LLGL1: variants seen among roughly 807,000 people sequenced by gnomAD.
LLGL1 encodes lethal(2) giant larvae protein homolog 1.
Under a neutral mutation model 110.6 loss-of-function variants are expected in LLGL1, and 58 were observed. The observed-to-expected ratio is 0.52, with a 90% confidence interval of 0.42 to 0.65. LLGL1 has a LOEUF of 0.65. Ranked by LOEUF, LLGL1 falls within the 30% of genes least tolerant of loss-of-function variation. LLGL1 has a pLI of 0.00. For missense variants in LLGL1, 1,229 were observed against 1,462.1 expected, an observed-to-expected ratio of 0.84 and a Z score of 2.60; for synonymous variants, 674 against 607.2, an observed-to-expected ratio of 1.11 and a Z score of -1.62.
In LLGL1 at chr17:18,244,400, C is replaced by G. The variant is rs1197346639; in HGVS notation, c.*494C>G. 1 of 152,070 alleles carries G rather than the reference C, an allele frequency of 6.6e-6. No homozygotes were observed. The highest frequency in any genetic ancestry group is 2.4e-5 in the African/African-American group (1 of 41,378). The allele number at this position is 152,070 out of a possible 1,614,324, so 9.4% of individuals were successfully genotyped here. On this transcript the variant is annotated 3_prime_UTR_variant, in exon 23 of 23. Transcript: ENST00000316843. ...GGGACTACAGGCGCCCACCACCACG[C>G]CCAGCTAATTTTTTCTGTATTTTTA...
At position 18,234,213 on chromosome 17, in the gene LLGL1, C is replaced by G. The variant is rs200116218; in HGVS notation, c.714+38C>G. 1.9e-6 allele frequency: 3 copies of G among 1,599,034 alleles called. No homozygotes were observed. In the African/African-American group the frequency reaches 4.0e-5, roughly 21 times the overall value. ...GGCCTGTGTCCCCTCAGCCTGGGCC[C>G]CTTGTGCATGCCCACCATGGCTCAT... On this transcript the variant is annotated intron_variant, in intron 6 of 22. Transcript: ENST00000316843.
In LLGL1 at chr17:18,233,876, A is replaced by T. The variant is rs2047625268; in HGVS notation, c.491A>T (p.Asp164Val). 1 of 1,613,556 alleles carries T rather than the reference A, an allele frequency of 6.2e-7. No homozygotes were observed. The highest frequency in any genetic ancestry group is 8.5e-7 in the Non-Finnish European group (1 of 1,180,002). The change falls in exon 5 of 23, where the codon GAT becomes GTT. Residue 164 changes from aspartate (D) to valine (V), a missense_variant. Asp to Val is a radical substitution (Grantham distance 152). Transcript: ENST00000316843. ...GTEGSSVFFL[D>V]VTTLTLLEGQ... ...GAGGGCAGCAGTGTCTTCTTCCTGGATGTTACCACCCTGACCCTGCTCGAG... is the reference window on the plus strand; with the variant it reads ...GAGGGCAGCAGTGTCTTCTTCCTGGTTGTTACCACCCTGACCCTGCTCGAG...
Position 18,242,620 on chromosome 17 carries a change from T to C in LLGL1, c.3108T>C (p.Asp1036=), listed in dbSNP as rs1404260561. The C allele has an allele frequency of 1.2e-6, 2 of 1,610,804 alleles. No individual in the cohort carries two copies. Among genetic ancestry groups the C allele is most frequent in the South Asian group, 2.2e-5 (2 of 90,574 alleles). The change falls in exon 21 of 23, where the codon GAT becomes GAC. Residue 1036 remains aspartate, a synonymous_variant. Transcript: ENST00000316843. ...ACGTCACAGTGGAAGATGTGAAGGA[T>C]TTCCTGGGGTGAGGCTGGTGGGCAG... The part of the protein sequence containing the change: ...TGDVTVEDVK[D]FLGSSEESEK...
chr17:18,226,089 T>G (rs1027147002), intron 1 of LLGL1, among the ~76,000 whole-genome samples: 1 of 152,064 alleles, frequency 6.6e-6, no homozygotes, highest in Admixed American at 6.5e-5. Flanking sequence ...TCCCTCTTTC[T>G]CCGCCGCTGA....
Position 18,235,123 on chromosome 17 carries a change from G to A in LLGL1, c.1095G>A (p.Leu365=). 1 of 1,613,886 alleles carries A rather than the reference G, an allele frequency of 6.2e-7. No individual in the cohort carries two copies. The highest frequency in any genetic ancestry group is 8.5e-7 in the Non-Finnish European group (1 of 1,180,028). ...ACCCCCAGGCCCTGGCTGTGCTGCT[G>A]GAAGAGGAGCTGGTGGTGCTGGACC... ...FDDPQALAVL[L]EEELVVLDLQ... is the part of the protein sequence containing the mutation. Residue 365 remains leucine, a synonymous_variant, in exon 10 of 23, where the codon CTG becomes CTA. Transcript: ENST00000316843.
chr17:18,235,221 C>T lies in LLGL1; in HGVS notation c.1193C>T (p.Ser398Leu), dbSNP rs370740868. The change falls in exon 10 of 23, where the codon TCG becomes TTG. Residue 398 changes from serine to leucine, a missense_variant. Ser to Leu is a moderately radical substitution (Grantham distance 145). Coordinates refer to ENST00000316843, the MANE Select transcript of LLGL1 (RefSeq NM_004140.4). ...APLHSSAITCSAHVASVPAKL... is the reference protein window; with the variant it reads ...APLHSSAITCLAHVASVPAKL... ...CTGCACTCCTCTGCAATCACTTGCT[C>T]GGCCCACGTGGCCAGTGTCCCCGCC... 20 of 1,610,856 alleles carry T rather than the reference C, an allele frequency of 1.2e-5. No homozygotes were observed. The highest frequency in any genetic ancestry group is 8.3e-5 in the Admixed American group (5 of 59,998).
chr17:18,238,504 G>C lies in LLGL1; in HGVS notation c.2101G>C (p.Val701Leu). The C allele has an allele frequency of 6.2e-7, 1 of 1,612,522 alleles. No homozygotes were observed. The highest frequency in any genetic ancestry group is 8.5e-7 in the Non-Finnish European group (1 of 1,180,000). ...QLAEQACPHD[V>L]EMTPVQRRIE... Reference sequence around the variant, plus strand: ...GGCTGAGCAGGCCTGCCCCCACGACGTGGAGATGACGCCCGTGCAGCGCCG... The same window carrying C: ...GGCTGAGCAGGCCTGCCCCCACGACCTGGAGATGACGCCCGTGCAGCGCCG... The change falls in exon 16 of 23, where the codon GTG becomes CTG. Residue 701 changes from valine to leucine, a missense_variant. Physicochemically the swap from Val to Leu is conservative, Grantham distance 32. Coordinates refer to ENST00000316843, the MANE Select transcript of LLGL1 (RefSeq NM_004140.4).
chr17:18,241,867 ATTC>A lies in LLGL1; in HGVS notation c.2768-13_2768-11del. 6 of 1,609,270 alleles carry A rather than the reference ATTC, an allele frequency of 3.7e-6. No homozygotes were observed. Among genetic ancestry groups the A allele is most frequent in the Non-Finnish European group, 5.1e-6 (6 of 1,175,588 alleles). ...GTGGTATCTTCTAACTGCACTCCTC[ATTC>A]TTCTGCCCACCCAGGCTTTTACCTG... On this transcript the variant is annotated splice_polypyrimidine_tract_variant and intron_variant, in intron 18 of 22. Transcript: ENST00000316843.
chr17:18,240,433 A>G lies in LLGL1; in HGVS notation c.2207-145A>G. On this transcript the variant is annotated intron_variant, in intron 16 of 22. Coordinates refer to ENST00000316843, the MANE Select transcript of LLGL1 (RefSeq NM_004140.4). The surrounding 1 kb of genome is among the most constrained non-coding windows in gnomAD (Gnocchi z 5.3). ...GGTCACCAGGGAGGCATGGGGCAGG[A>G]GGGAATCAGCCCTGAGTCCCAGGGT... is the stretch of plus-strand genomic sequence containing the variant. 1 of 983,872 alleles carries G rather than the reference A, an allele frequency of 1.0e-6. No individual in the cohort carries two copies. Among genetic ancestry groups the G allele is most frequent in the Non-Finnish European group, 1.5e-6 (1 of 672,690 alleles). 60.9% of individuals were successfully genotyped at this position (983,872 alleles called of 1,614,324 possible).
intron 2 of LLGL1, among the ~76,000 whole-genome samples, chr17:18,231,779 C>T (rs2047575912): frequency 6.6e-6 from 1 of 152,216 alleles, no homozygotes; most frequent in Non-Finnish European, 1.5e-5. Flanking sequence ...TCTGCCTCAG[C>T]CTCCCAAATA....
At chr17:18,233,324 C>G (rs1301334343) in intron 4 of LLGL1, among the ~76,000 whole-genome samples, 1 of 152,142 alleles carries the variant, frequency 6.6e-6, no homozygotes, top group African/African-American at 2.4e-5. Flanking sequence ...CCAGCCCTGC[C>G]TGAAATAGCT....
rs540086074 is a variant in LLGL1, at chr17:18,235,912, C to A, written c.1352+375C>A. 2.7e-5 allele frequency: 7 copies of A among 258,100 alleles called. No homozygotes were observed. The East Asian group carries it at 6.8e-4, about 25-fold the overall frequency. The allele number at this position is 258,100 out of a possible 1,614,324, so 16.0% of individuals were successfully genotyped here. On this transcript the variant is annotated intron_variant, in intron 11 of 22. Coordinates refer to ENST00000316843, the MANE Select transcript of LLGL1 (RefSeq NM_004140.4). ...ACTCAGGTCTCAACTTCCTGCCCTG[C>A]CCCCACTCCCGCCTGTGCTGGGACC...
In LLGL1 at chr17:18,240,693, G is replaced by T; in HGVS notation, c.2322G>T (p.Val774=). The part of the protein sequence containing the change: ...VGGEKRPEQA[V]EAVLGKEVQL... Reference sequence around the variant, plus strand: ...GTGAGAAGCGGCCTGAGCAAGCGGTGGAGGCCGTGCTGGGCAAGGAGGTGC... The same window carrying T: ...GTGAGAAGCGGCCTGAGCAAGCGGTTGAGGCCGTGCTGGGCAAGGAGGTGC... The change falls in exon 17 of 23, where the codon GTG becomes GTT. Residue 774 remains valine, a synonymous_variant. Coordinates refer to ENST00000316843, the MANE Select transcript of LLGL1 (RefSeq NM_004140.4). This position sits in a 1 kb window ranked among gnomAD's most constrained non-coding sequence, Gnocchi z 5.3. The T allele has an allele frequency of 6.2e-7, 1 of 1,613,096 alleles. No individual in the cohort carries two copies. Among genetic ancestry groups the T allele is most frequent in the Non-Finnish European group, 8.5e-7 (1 of 1,179,838 alleles).
chr17:18,229,930 C>A lies in LLGL1; in HGVS notation c.82-11C>A. On this transcript the variant is annotated splice_polypyrimidine_tract_variant and intron_variant, in intron 1 of 22. Coordinates refer to ENST00000316843, the MANE Select transcript of LLGL1 (RefSeq NM_004140.4). ...GAGTGCTTACCCCCAGCAGCCCTCC[C>A]CTCCTTGCAGACTGTGGAGCATGGC... 1 of 1,598,096 alleles carries A rather than the reference C, an allele frequency of 6.3e-7. No homozygotes were observed. Among genetic ancestry groups the A allele is most frequent in the South Asian group, 1.1e-5 (1 of 89,580 alleles).
At chr17:18,235,029 C>A in intron 9 of LLGL1, 36 bp downstream of exon 9, 1 of 1,613,886 alleles carries the variant, frequency 6.2e-7, no homozygotes, top group Non-Finnish European at 8.5e-7. Context: ...TTTCCCAGCC[C>A]CACCTGGTGC....
At chr17:18,243,747 C>T (rs1219397488) in intron 22 of LLGL1, among the ~76,000 whole-genome samples, 161 bp from the exon 23 acceptor site, 1 of 152,228 alleles carries the variant, frequency 6.6e-6, no homozygotes, top group Non-Finnish European at 1.5e-5. Context: ...GGATACCCAT[C>T]TGGAGACTCA....
chr17:18,238,315 C>T, intron 15 of LLGL1, 101 bp downstream of exon 15: 3 of 1,580,330 alleles, frequency 1.9e-6, no homozygotes, highest in Admixed American at 1.7e-5. Context: ...GTGCTCCTCC[C>T]TCGGCAGCCC....
At position 18,244,806 on chromosome 17, in the gene LLGL1, T is replaced by A. The variant is rs956207386; in HGVS notation, c.*900T>A. On this transcript the variant is annotated 3_prime_UTR_variant, in exon 23 of 23. Coordinates refer to ENST00000316843, the MANE Select transcript of LLGL1 (RefSeq NM_004140.4). ...GTTTTTTTCTGTCGTTTTGTTAAAA[T>A]TAGCGCCATTTTAATATTAAAAATA... 31 of 330,828 alleles carry A rather than the reference T, an allele frequency of 9.4e-5. No homozygotes were observed. Among genetic ancestry groups the A allele is most frequent in the Non-Finnish European group, 1.7e-4 (31 of 183,704 alleles). 20.5% of individuals were successfully genotyped at this position (330,828 alleles called of 1,614,324 possible).
chr17:18,242,430 A>T, intron 20 of LLGL1, 78 bp from the exon 21 acceptor site: 1 of 1,595,130 alleles, frequency 6.3e-7, no homozygotes, highest in Non-Finnish European at 8.6e-7. Context: ...GGGCTGCCTT[A>T]TGGGTCTGTG....
Sources: allele counts gnomAD v4.1 joint callset (sites outside exome capture counted in the v4.1 genomes callset), GRCh38; gene constraint gnomAD v4.1.1; non-coding constraint Gnocchi (gnomAD v3.1); transcripts MANE v1.5; gene names NCBI Gene and HGNC (gene_info 2026-07-23, HGNC 2026-07-21).